Variants in SSBP3 observed in about 807,000 individuals in gnomAD.
SSBP3 encodes the protein single-stranded DNA-binding protein 3.
In SSBP3, 5 loss-of-function variants were observed where a neutral mutation model predicts 69.6. The ratio of observed to expected loss-of-function variants is 0.07; its 90% CI spans 0.04 to 0.15. SSBP3 has a LOEUF of 0.15. Among genes scored for constraint, SSBP3 ranks in the 10% least tolerant of loss-of-function variants. The pLI is 1.00. For synonymous variants in SSBP3, 196 were observed against 193.4 expected, an observed-to-expected ratio of 1.01 and a Z score of -0.11; for missense variants, 312 against 534.0, an observed-to-expected ratio of 0.58 and a Z score of 4.10.
chr1:54,324,369 T>C (rs1646265212), intron 4 of SSBP3, among the ~76,000 whole-genome samples: 1 of 152,148 alleles, frequency 6.6e-6, no homozygotes, highest in African/African-American at 2.4e-5. Context: ...TCGGCTTCTG[T>C]GCCATCGAGA....
At position 54,401,853 on chromosome 1, in the gene SSBP3, T is replaced by C. The variant is rs1482586582; in HGVS notation, c.276+8A>G. On this transcript the variant is annotated splice_region_variant and intron_variant, in intron 4 of 17. Transcript: ENST00000610401. The stretch of plus-strand genomic sequence containing the variant: ...AATTATTGCTAGGATTAAAAATATG[T>C]TACTCACATAATCATGAAAGGCTTT... 6.2e-7 allele frequency: 1 copy of C among 1,609,872 alleles called. No homozygotes were observed. Among genetic ancestry groups the C allele is most frequent in the Non-Finnish European group, 8.5e-7 (1 of 1,176,432 alleles).
chr1:54,396,193 G>GAAAAAAAAAAAAAAAAAAAAAAAAAAAA (rs59276509), intron 4 of SSBP3, among the ~76,000 whole-genome samples: 14 of 40,580 alleles, frequency 3.4e-4, no homozygotes, highest in African/African-American at 6.7e-4. Flanking sequence ...CTCCATCTCA[G>GAAAAAAAAAAAAAAAAAAAAAAAAAAAA]AAAAAAAAAA....
chr1:54,306,247 CTAAG>C lies in SSBP3; in HGVS notation c.277-24724_277-24721del, dbSNP rs563610195. Among the ~76,000 whole-genome samples, 610 of 152,282 alleles carry C rather than the reference CTAAG, an allele frequency of 4.0e-3. 4 individuals carry two copies. The highest frequency in any genetic ancestry group is 0.014 in the African/African-American group (574 of 41,552). ...GGAGTGAGTGGATATTACACACTTG[CTAAG>C]TGAAAGAATGAGAGGAATATGATAA... On this transcript the variant is annotated intron_variant, in intron 4 of 17. Coordinates refer to ENST00000610401, the Ensembl canonical transcript of SSBP3.
At chr1:54,355,678 C>T (rs968746001) in intron 4 of SSBP3, among the ~76,000 whole-genome samples, 1 of 152,184 alleles carries the variant, frequency 6.6e-6, no homozygotes, top group Non-Finnish European at 1.5e-5. Context: ...AGCTCCCCTG[C>T]CTCCCAAATT....
At chr1:54,395,245 C>T (rs143372013) in intron 4 of SSBP3, among the ~76,000 whole-genome samples, 3 of 152,292 alleles carry the variant, frequency 2.0e-5, no homozygotes, top group East Asian at 1.9e-4. Context: ...CTCTCAAGGC[C>T]GTCCCCATGG....
At chr1:54,353,092 G>A (rs1449360558) in intron 4 of SSBP3, among the ~76,000 whole-genome samples, 2 of 152,194 alleles carry the variant, frequency 1.3e-5, no homozygotes, top group Non-Finnish European at 2.9e-5. Flanking sequence ...CGCCTGCACG[G>A]GGGCTCCAGC....
intron 4 of SSBP3, among the ~76,000 whole-genome samples, chr1:54,338,950 G>A (rs539464054): frequency 1.3e-5 from 2 of 152,188 alleles, no homozygotes; most frequent in Non-Finnish European, 2.9e-5. Context: ...TAGGATGCAC[G>A]AGGTCCAAGT....
At chr1:54,234,270 C>T (rs1644445855) in intron 14 of SSBP3, among the ~76,000 whole-genome samples, 1 of 149,242 alleles carries the variant, frequency 6.7e-6, no homozygotes, top group African/African-American at 2.5e-5. Context: ...TGTTTATCTG[C>T]TGACCTTCCC....
chr1:54,300,395 G>T (rs1430234184), intron 4 of SSBP3, among the ~76,000 whole-genome samples: 1 of 152,180 alleles, frequency 6.6e-6, no homozygotes, highest in Non-Finnish European at 1.5e-5. Context: ...TGTCAGTTCA[G>T]CTCAGGGGCC....
intron 5 of SSBP3, among the ~76,000 whole-genome samples, chr1:54,266,168 C>T (rs552585755): frequency 6.6e-6 from 1 of 152,332 alleles, no homozygotes; most frequent in South Asian, 2.1e-4. Flanking sequence ...AAGACTGAGC[C>T]TCAGAGATGT....
chr1:54,388,072 A>C (rs1317288628), intron 4 of SSBP3, among the ~76,000 whole-genome samples: 1 of 152,242 alleles, frequency 6.6e-6, no homozygotes, highest in Non-Finnish European at 1.5e-5. Context: ...CAACAAAATA[A>C]GTTAACAGTC....
At chr1:54,300,115 C>T (rs1342623865) in intron 4 of SSBP3, among the ~76,000 whole-genome samples, 4 of 152,112 alleles carry the variant, frequency 2.6e-5, no homozygotes, top group South Asian at 2.1e-4. Flanking sequence ...GGTAAGGGAG[C>T]GCCACAGAAG....
chr1:54,398,351 C>T (rs1649042804), intron 4 of SSBP3, among the ~76,000 whole-genome samples: 1 of 152,206 alleles, frequency 6.6e-6, no homozygotes, highest in African/African-American at 2.4e-5. Flanking sequence ...GGCTCAAAGG[C>T]CACTCATTTC....
chr1:54,345,053 C>T (rs1646666455), intron 4 of SSBP3, among the ~76,000 whole-genome samples: 2 of 152,262 alleles, frequency 1.3e-5, no homozygotes, highest in African/African-American at 2.4e-5. Context: ...CAAATGCTTT[C>T]TACTCCACTC....
chr1:54,395,580 T>TG (rs1052886603), intron 4 of SSBP3, among the ~76,000 whole-genome samples: 4 of 151,876 alleles, frequency 2.6e-5, no homozygotes, highest in African/African-American at 4.8e-5. Flanking sequence ...GGACGGGCGG[T>TG]GGGGGGGTTT....
Position 54,321,353 on chromosome 1 carries a change from G to A in SSBP3, c.277-39826C>T, listed in dbSNP as rs566430402. ...TCAGTGCCCTCAGTTTCTGGATGAA[G>A]AAACTGTGGACTTGAGTGGGGCTGT... On this transcript the variant is annotated intron_variant, in intron 4 of 17. Transcript: ENST00000610401. Among the ~76,000 whole-genome samples the A allele has an allele frequency of 3.3e-5, 5 of 152,374 alleles. No homozygotes were observed. The South Asian group carries it at 1.0e-3, about 32-fold the overall frequency.
chr1:54,239,710 G>T (rs925291929), intron 13 of SSBP3, among the ~76,000 whole-genome samples: 2 of 152,254 alleles, frequency 1.3e-5, no homozygotes, highest in African/African-American at 4.8e-5. Flanking sequence ...CAGTCGGAAT[G>T]TAGGTCATGC....
intron 4 of SSBP3, among the ~76,000 whole-genome samples, chr1:54,294,013 G>A (rs1363138611): frequency 2.0e-5 from 3 of 151,490 alleles, no homozygotes; most frequent in East Asian, 1.9e-4. Flanking sequence ...GGTGGTGGGC[G>A]CCTGTAATCC....
intron 4 of SSBP3, among the ~76,000 whole-genome samples, chr1:54,360,842 G>A (rs1646940801): frequency 6.6e-6 from 1 of 151,880 alleles, no homozygotes; most frequent in African/African-American, 2.4e-5. Flanking sequence ...CATTTTGGGA[G>A]GCTGAGGCAG....
Sources: gnomAD v4.1 joint callset for allele counts (sites outside exome capture counted in the v4.1 genomes callset) on GRCh38, gnomAD v4.1.1 for gene constraint, MANE v1.5 for transcripts, NCBI Gene and HGNC (gene_info 2026-07-23, HGNC 2026-07-21) for gene names.